NLN: variants seen among roughly 807,000 people sequenced by gnomAD.
The protein encoded by NLN is neurolysin, mitochondrial.
In NLN, 64 loss-of-function variants were observed where a neutral mutation model predicts 79.9. The observed-to-expected ratio is 0.80, with a 90% CI of 0.65 to 0.99. The LOEUF (loss-of-function observed/expected upper bound fraction) is 0.99. Ranked by LOEUF, NLN falls within the 50% of genes least tolerant of loss-of-function variation. The pLI, the probability that NLN is intolerant of heterozygous loss-of-function variation, is 0.00. For missense variants in NLN, 835 were observed against 858.7 expected (o/e 0.97, Z 0.34); for synonymous variants, 267 against 296.6 (o/e 0.90, Z 1.02).
At chr5:65,733,384 A>G (rs1269355702) in intron 1 of NLN, 2 of 1,509,864 alleles carry the variant, frequency 1.3e-6, no homozygotes, top group Non-Finnish European at 1.8e-6. Context: ...TTCTACTTTC[A>G]TGGAAACGAG....
chr5:65,762,379 G>A (rs772517387), intron 2 of NLN, among the ~76,000 whole-genome samples: 28 of 152,154 alleles, frequency 1.8e-4, no homozygotes, highest in Non-Finnish European at 3.5e-4. Context: ...TTCCTGCATT[G>A]CCAGTTGATA....
At chr5:65,780,315 T>C (rs750954144) in intron 5 of NLN, 34 bp downstream of exon 5, 3 of 849,770 alleles carry the variant, frequency 3.5e-6, no homozygotes, top group South Asian at 3.2e-5. Context: ...TTAAATCATA[T>C]AATTTAGGCA....
intron 4 of NLN, among the ~76,000 whole-genome samples, chr5:65,778,510 AT>A (rs1283054147): frequency 1.3e-5 from 2 of 152,150 alleles, no homozygotes; most frequent in African/African-American, 4.8e-5. Flanking sequence ...AATGTGATTG[AT>A]CTCACTTACC....
In NLN at chr5:65,724,793, C is replaced by CT. The variant is rs1002951301; in HGVS notation, c.41+2389dup. Among the ~76,000 whole-genome samples the CT allele has an allele frequency of 5.8e-3, 814 of 139,876 alleles. 6 individuals are homozygous for CT. Among genetic ancestry groups the CT allele is most frequent in the Middle Eastern group, 7.6e-3 (2 of 264 alleles). The allele number at this position is 139,876 out of a possible 152,430, so 91.8% of individuals were successfully genotyped here. A position where few individuals can be genotyped will look rare whatever the true frequency, so the allele number is the denominator to read the frequency against. On this transcript the variant is annotated intron_variant, in intron 1 of 12. Transcript: ENST00000380985. The stretch of plus-strand genomic sequence containing the variant: ...AGTTATCCTAGGAGTGGCATTGTTT[C>CT]TTTTTTTTTTCTTTTTTTTTTTTTT...
chr5:65,734,894 C>T (rs2248114), intron 1 of NLN, among the ~76,000 whole-genome samples: 36,025 of 152,052 alleles, frequency 0.24, 4,413 homozygotes, highest in African/African-American at 0.27. Context: ...GTAGCTTTCT[C>T]CTCTGCCAAG....
intron 1 of NLN, chr5:65,733,754 C>G (rs2150734388): frequency 1.2e-6 from 1 of 845,628 alleles, no homozygotes; most frequent in East Asian, 2.7e-5. Context: ...GAGTCTCGCT[C>G]TGTCCCTCAG....
chr5:65,824,152 A>C lies in NLN; in HGVS notation c.*1237A>C, dbSNP rs1186723221. 6.6e-6 allele frequency: 1 copy of C among 152,154 alleles called. No homozygotes were observed. The highest frequency in any genetic ancestry group is 1.9e-4 in the East Asian group (1 of 5,194). 9.4% of individuals were successfully genotyped at this position (152,154 alleles called of 1,614,324 possible). ...GACAGGATAATAAAATTTAAAAAAA[A>C]AACAACTTTGAATTCCCCTGCCTAG... is the stretch of plus-strand genomic sequence containing the variant. On this transcript the variant is annotated 3_prime_UTR_variant, in exon 13 of 13. Transcript: ENST00000380985.
At chr5:65,809,958 T>G in intron 10 of NLN, 79 bp from the exon 11 acceptor site, 1 of 1,497,552 alleles carries the variant, frequency 6.7e-7, no homozygotes, top group Non-Finnish European at 9.2e-7. Context: ...AATCTGTTTT[T>G]GGAATCTACA....
intron 9 of NLN, among the ~76,000 whole-genome samples, chr5:65,797,196 A>G (rs1288613060): frequency 6.6e-6 from 1 of 152,212 alleles, no homozygotes; most frequent in African/African-American, 2.4e-5. Context: ...TAGAATAGTA[A>G]TGCCTCTTAG....
At chr5:65,791,188 G>A (rs535654511) in intron 8 of NLN, among the ~76,000 whole-genome samples, 6 of 152,302 alleles carry the variant, frequency 3.9e-5, no homozygotes, top group African/African-American at 1.4e-4. Context: ...TTGGGAGGCT[G>A]AGGCAGGTGG....
At chr5:65,785,949 A>G (rs372931218) in intron 7 of NLN, 39 bp downstream of exon 7, 21 of 1,588,756 alleles carry the variant, frequency 1.3e-5, no homozygotes, top group Non-Finnish European at 1.8e-5. Flanking sequence ...GTTTTGCTAT[A>G]CCATGTCAAC....
At chr5:65,728,162 A>G (rs1446168517) in intron 1 of NLN, among the ~76,000 whole-genome samples, 1 of 152,148 alleles carries the variant, frequency 6.6e-6, no homozygotes, top group Admixed American at 6.5e-5. Flanking sequence ...AAAATATTAA[A>G]TATATATATA....
chr5:65,827,209 C>T lies in NLN; in HGVS notation c.*4294C>T, dbSNP rs1022198916. 2.4e-4 allele frequency: 36 copies of T among 152,126 alleles called. No individual in the cohort carries two copies. Among genetic ancestry groups the T allele is most frequent in the African/African-American group, 7.5e-4 (31 of 41,426 alleles). The allele number at this position is 152,126 out of a possible 1,614,324, so 9.4% of individuals were successfully genotyped here. On this transcript the variant is annotated 3_prime_UTR_variant, in exon 13 of 13. Transcript: ENST00000380985. ...GCGATGCACACACCCCCACACCACA[C>T]CGTGATTCCTGAGTTTTGATTTGGT...
At chr5:65,822,568 A>G (rs1468788204) in intron 12 of NLN, among the ~76,000 whole-genome samples, 1 of 152,212 alleles carries the variant, frequency 6.6e-6, no homozygotes, top group African/African-American at 2.4e-5. Context: ...ATAATAAAGG[A>G]CAGTGTAGAA....
chr5:65,752,597 T>A (rs1206103556), intron 1 of NLN, among the ~76,000 whole-genome samples: 1 of 152,168 alleles, frequency 6.6e-6, no homozygotes, highest in Non-Finnish European at 1.5e-5. Flanking sequence ...CAGGTGCAGT[T>A]CTTTCCAGGG....
chr5:65,750,488 G>A (rs1264425193), intron 1 of NLN, among the ~76,000 whole-genome samples: 1 of 152,224 alleles, frequency 6.6e-6, no homozygotes, highest in East Asian at 1.9e-4. Flanking sequence ...GGAGGCCAAA[G>A]CGGGTGGATT....
At chr5:65,795,119 G>A (rs545500402) in intron 9 of NLN, among the ~76,000 whole-genome samples, 1 of 152,280 alleles carries the variant, frequency 6.6e-6, no homozygotes, top group African/African-American at 2.4e-5. Flanking sequence ...TTGGGAGGCC[G>A]AGGCAGGAGG....
intron 1 of NLN, among the ~76,000 whole-genome samples, chr5:65,751,948 TCA>T (rs1259219405): frequency 2.0e-5 from 3 of 152,176 alleles, no homozygotes; most frequent in Non-Finnish European, 2.9e-5. Flanking sequence ...GTTAGAAATT[TCA>T]CAGTGTTGGC....
chr5:65,734,512 A>C (rs1758683538), intron 1 of NLN, among the ~76,000 whole-genome samples: 1 of 149,792 alleles, frequency 6.7e-6, no homozygotes, highest in African/African-American at 2.5e-5. Context: ...GGTTATTTAA[A>C]AATGTCAAAA....
Sources: gnomAD v4.1 joint callset for allele counts (sites outside exome capture counted in the v4.1 genomes callset) on GRCh38, gnomAD v4.1.1 for gene constraint, MANE v1.5 for transcripts, NCBI Gene and HGNC (gene_info 2026-07-23, HGNC 2026-07-21) for gene names.